Variants in STAB2 observed in about 807,000 individuals in gnomAD.
STAB2 encodes stabilin-2.
A neutral mutation model predicts 338.1 loss-of-function variants in STAB2; 288 were observed. That is an observed-to-expected ratio of 0.85 (90% CI 0.77 to 0.94). The LOEUF (loss-of-function observed/expected upper bound fraction) is 0.94. Ranked by LOEUF, STAB2 falls within the 40% of genes least tolerant of loss-of-function variation. The probability of loss-of-function intolerance (pLI) is 0.00; values close to 1 mark genes in which losing one functional copy is unlikely to be tolerated. For missense variants in STAB2, 3,141 were observed against 3,210.1 expected, an observed-to-expected ratio of 0.98 and a Z score of 0.52; for synonymous variants, 1,202 against 1,193.3, an observed-to-expected ratio of 1.01 and a Z score of -0.15.
Position 103,759,121 on chromosome 12 carries a change from CT to C in STAB2, c.7108-6del. ...CTTTGAAGAGCATTCTGTGTTTCTCCTTTTTTCTCAGACCTTGTCTGGGCGG... is the reference window on the plus strand; with the variant it reads ...CTTTGAAGAGCATTCTGTGTTTCTCCTTTTTCTCAGACCTTGTCTGGGCGG... On this transcript the variant is annotated splice_polypyrimidine_tract_variant and intron_variant, in intron 64 of 68. Coordinates refer to ENST00000388887, the MANE Select transcript of STAB2 (RefSeq NM_017564.10). The C allele has an allele frequency of 6.2e-7, 1 of 1,614,118 alleles. No homozygotes were observed. Among genetic ancestry groups the C allele is most frequent in the South Asian group, 1.1e-5 (1 of 91,080 alleles).
rs777133917 is a variant in STAB2 at position 103,725,017 on chromosome 12, G to A, written c.4726G>A (p.Gly1576Arg). ...TGAATTTGCCATCTGCAACCACACT[G>A]GGCAAGTAGAAAGGACTTGTACTTG... Reference protein sequence around the residue: ...CSEFAICNHTGQVERTCTCKP... With the variant: ...CSEFAICNHTRQVERTCTCKP... Residue 1576 changes from glycine to arginine, a missense_variant, in exon 45 of 69, where the codon GGG becomes AGG. Physicochemically the swap from Gly to Arg is moderately radical, Grantham distance 125 (BLOSUM62 -2). Transcript: ENST00000388887. The A allele has an allele frequency of 6.2e-7, 1 of 1,613,958 alleles. No individual in the cohort carries two copies. Among genetic ancestry groups the A allele is most frequent in the East Asian group, 2.2e-5 (1 of 44,884 alleles).
intron 65 of STAB2, among the ~76,000 whole-genome samples, chr12:103,760,037 G>A (rs143524976): frequency 2.4e-3 from 368 of 152,284 alleles, no homozygotes; most frequent in African/African-American, 8.4e-3. Flanking sequence ...TGGAAGATAA[G>A]GAGTATTTCA....
chr12:103,598,808 G>T (rs1208534315), intron 3 of STAB2, among the ~76,000 whole-genome samples: 1 of 152,124 alleles, frequency 6.6e-6, no homozygotes, highest in Non-Finnish European at 1.5e-5. Context: ...CATTTATTAA[G>T]CACCTACTAT....
intron 37 of STAB2, among the ~76,000 whole-genome samples, 155 bp downstream of exon 37, chr12:103,705,882 A>G (rs1879305762): frequency 6.6e-6 from 1 of 152,192 alleles, no homozygotes. Flanking sequence ...TAGTAGTGGT[A>G]GCAGTAAAGC....
At chr12:103,678,389 T>C (rs1424282007) in intron 25 of STAB2, among the ~76,000 whole-genome samples, 3 of 152,210 alleles carry the variant, frequency 2.0e-5, no homozygotes, top group African/African-American at 7.2e-5. Flanking sequence ...GCCTTTTGGT[T>C]CTCAGACCTC....
chr12:103,667,713 T>C (rs557976549), intron 19 of STAB2, among the ~76,000 whole-genome samples: 2 of 152,168 alleles, frequency 1.3e-5, no homozygotes, highest in African/African-American at 4.8e-5. Flanking sequence ...TAGCTAATAT[T>C]TTAGGATTTT....
intron 4 of STAB2, 68 bp from the exon 5 acceptor site, chr12:103,621,974 A>G: frequency 4.0e-6 from 6 of 1,482,096 alleles, no homozygotes; most frequent in Non-Finnish European, 5.6e-6. Context: ...TGAGTTGGAA[A>G]TCCAAGGCCT....
rs948611010 is a variant in STAB2, at chr12:103,652,821, T to C, written c.1407+116T>C. On this transcript the variant is annotated intron_variant, in intron 12 of 68. Coordinates refer to ENST00000388887, the MANE Select transcript of STAB2 (RefSeq NM_017564.10). ...GAAAAATTACAAGGAAATTCTTTCC[T>C]CATGTATTATTTGTCAAACACCTTA... 80 of 1,251,456 alleles carry C rather than the reference T, an allele frequency of 6.4e-5. No individual in the cohort carries two copies. In the African/African-American group the frequency reaches 1.1e-3, roughly 17 times the overall value. 77.5% of individuals were successfully genotyped at this position (1,251,456 alleles called of 1,614,324 possible).
At chr12:103,733,550 A>G (rs1881815298) in intron 51 of STAB2, among the ~76,000 whole-genome samples, 1 of 152,166 alleles carries the variant, frequency 6.6e-6, no homozygotes. Context: ...ATCCAATTCC[A>G]AAATTTCTAG....
At chr12:103,702,402 C>G (rs868809951) in intron 34 of STAB2, among the ~76,000 whole-genome samples, 28 of 151,982 alleles carry the variant, frequency 1.8e-4, no homozygotes, top group South Asian at 6.2e-4. Flanking sequence ...GGGTTCACGC[C>G]GTTCTCCTGC....
chr12:103,750,983 T>C (rs2139182631), intron 60 of STAB2, among the ~76,000 whole-genome samples: 1 of 152,228 alleles, frequency 6.6e-6, no homozygotes, highest in East Asian at 1.9e-4. Flanking sequence ...TCCCAGCTAC[T>C]TGGGAGGCTG....
chr12:103,757,995 A>G (rs991545937), intron 63 of STAB2, 175 bp from the exon 64 acceptor site: 15 of 894,982 alleles, frequency 1.7e-5, no homozygotes, highest in Admixed American at 1.1e-4. Flanking sequence ...TGAGGAAAGG[A>G]AAAGTCCTCA....
chr12:103,745,075 C>A, intron 56 of STAB2, 98 bp from the exon 57 acceptor site: 1 of 963,636 alleles, frequency 1.0e-6, no homozygotes, highest in Non-Finnish European at 1.5e-6. Flanking sequence ...AAGCATGGTG[C>A]CTCCCACAAC....
intron 12 of STAB2, among the ~76,000 whole-genome samples, 159 bp from the exon 13 acceptor site, chr12:103,654,396 C>A (rs1874017582): frequency 6.6e-6 from 1 of 152,212 alleles, no homozygotes; most frequent in African/African-American, 2.4e-5. Flanking sequence ...GTTAACAAAG[C>A]AGACACTTTC....
At chr12:103,666,141 C>A in intron 18 of STAB2, 150 bp from the exon 19 acceptor site, 1 of 678,088 alleles carries the variant, frequency 1.5e-6, no homozygotes, top group Non-Finnish European at 2.6e-6. Context: ...ACGGTGGAGT[C>A]GGTGTGGGGA....
chr12:103,592,251 G>GA (rs1565948506), intron 2 of STAB2: 2 of 144,212 alleles, frequency 1.4e-5, no homozygotes, highest in South Asian at 2.3e-4. Flanking sequence ...GATTCTTTCT[G>GA]AAAAAAGAAA....
chr12:103,654,937 A>C (rs1300040570), intron 13 of STAB2: 4 of 555,504 alleles, frequency 7.2e-6, no homozygotes, highest in African/African-American at 5.7e-5. Flanking sequence ...TACCTCTTTT[A>C]TTACTGCATC....
chr12:103,606,816 C>G (rs1957035245), intron 3 of STAB2, among the ~76,000 whole-genome samples: 1 of 152,062 alleles, frequency 6.6e-6, no homozygotes, highest in Non-Finnish European at 1.5e-5. Context: ...AACCCTGTCT[C>G]TACTAAGAAT....
At chr12:103,610,167 G>T (rs1432572748) in intron 3 of STAB2, among the ~76,000 whole-genome samples, 3 of 151,704 alleles carry the variant, frequency 2.0e-5, no homozygotes, top group African/African-American at 7.3e-5. Context: ...TTGTGTCTCT[G>T]CCAGGCTTTG....
Sources: allele counts gnomAD v4.1 joint callset (sites outside exome capture counted in the v4.1 genomes callset), GRCh38; gene constraint gnomAD v4.1.1; transcripts MANE v1.5; gene names NCBI Gene and HGNC (gene_info 2026-07-23, HGNC 2026-07-21).